The following PBX3 variants were observed in gnomAD, a reference collection of about 807,000 sequenced individuals.
The protein encoded by PBX3 is pre-B-cell leukemia transcription factor 3.
In PBX3, 14 loss-of-function variants were observed where a neutral mutation model predicts 48.5. The observed-to-expected ratio is 0.29, with a 90% CI of 0.19 to 0.45. The LOEUF (loss-of-function observed/expected upper bound fraction) is 0.45. PBX3 is among the 20% of genes least tolerant of loss of function. The probability of loss-of-function intolerance (pLI) is 1.00; values close to 1 mark genes in which losing one functional copy is unlikely to be tolerated. For synonymous variants in PBX3, 210 were observed against 200.3 expected (o/e 1.05, Z -0.41); for missense variants, 386 against 546.7 (o/e 0.71, Z 2.93).
chr9:125,961,384 C>A (rs1299080944), intron 6 of PBX3, among the ~76,000 whole-genome samples: 1 of 152,158 alleles, frequency 6.6e-6, no homozygotes, highest in African/African-American at 2.4e-5. Context: ...TACATGCATG[C>A]AAGATTCTTG....
chr9:125,803,997 G>A (rs184560564), intron 2 of PBX3, among the ~76,000 whole-genome samples: 18 of 152,270 alleles, frequency 1.2e-4, no homozygotes, highest in Non-Finnish European at 2.2e-4. Context: ...TTCTGACTTT[G>A]GGGTCTTTAT....
At position 125,962,099 on chromosome 9, in the gene PBX3, C is replaced by T. The variant is rs1564193225; in HGVS notation, c.1010-3C>T. The stretch of plus-strand genomic sequence containing the variant: ...TTCAGCTACTTAACTCTTTCCTTTC[C>T]AGGTTCTTCTGGTTCTTTTAACCTC... On this transcript the variant is annotated splice_region_variant and splice_polypyrimidine_tract_variant and intron_variant, in intron 6 of 8. Transcript: ENST00000373489. 1.3e-6 allele frequency: 2 copies of T among 1,508,558 alleles called. No homozygotes were observed. The highest frequency in any genetic ancestry group is 1.8e-6 in the Non-Finnish European group (2 of 1,084,218). The allele number at this position is 1,508,558 out of a possible 1,614,324, so 93.4% of individuals were successfully genotyped here.
intron 2 of PBX3, among the ~76,000 whole-genome samples, chr9:125,800,218 T>C (rs1290368050): frequency 6.6e-6 from 1 of 152,126 alleles, no homozygotes; most frequent in Non-Finnish European, 1.5e-5. Context: ...ACTGAAAAGA[T>C]AAGTAAGGGT....
intron 3 of PBX3, among the ~76,000 whole-genome samples, chr9:125,928,784 A>T (rs1841647141): frequency 6.6e-6 from 1 of 152,112 alleles, no homozygotes; most frequent in African/African-American, 2.4e-5. Context: ...TTAACTAAAA[A>T]GTTTGAGACC....
chr9:125,831,118 C>T (rs373005365), intron 2 of PBX3, among the ~76,000 whole-genome samples: 23 of 152,136 alleles, frequency 1.5e-4, no homozygotes, highest in African/African-American at 5.1e-4. Context: ...GCTGATATTT[C>T]CTTGTGGCAG....
intron 2 of PBX3, among the ~76,000 whole-genome samples, chr9:125,764,508 AT>A (rs1836753392): frequency 6.6e-6 from 1 of 152,170 alleles, no homozygotes; most frequent in Non-Finnish European, 1.5e-5. Flanking sequence ...GCTGGTTCAT[AT>A]TTTGCTAACG....
chr9:125,935,678 A>G, intron 5 of PBX3, 71 bp downstream of exon 5: 3 of 1,361,716 alleles, frequency 2.2e-6, no homozygotes, highest in African/African-American at 2.9e-5. Context: ...TCAGGGCATT[A>G]TTATCAAATT....
chr9:125,782,500 A>G (rs1837348849), intron 2 of PBX3, among the ~76,000 whole-genome samples: 1 of 152,198 alleles, frequency 6.6e-6, no homozygotes, highest in Non-Finnish European at 1.5e-5. Context: ...GTTACAAATT[A>G]CATTTTTATA....
At chr9:125,879,419 A>C (rs1214393769) in intron 2 of PBX3, among the ~76,000 whole-genome samples, 1 of 152,202 alleles carries the variant, frequency 6.6e-6, no homozygotes, top group Admixed American at 6.5e-5. Context: ...ATATGAACAC[A>C]TAAGTTTGCT....
At chr9:125,800,405 T>C (rs955199777) in intron 2 of PBX3, among the ~76,000 whole-genome samples, 2 of 152,238 alleles carry the variant, frequency 1.3e-5, no homozygotes, top group African/African-American at 4.8e-5. Context: ...CACTGTAATG[T>C]TGGTTCAGAA....
chr9:125,777,783 G>C (rs1837116900), intron 2 of PBX3, among the ~76,000 whole-genome samples: 1 of 152,004 alleles, frequency 6.6e-6, no homozygotes, highest in Admixed American at 6.6e-5. Context: ...TCAGATTTCT[G>C]TTTCTTCTGG....
intron 5 of PBX3, among the ~76,000 whole-genome samples, chr9:125,958,200 G>C (rs1274880361): frequency 2.9e-5 from 3 of 104,680 alleles, no homozygotes; most frequent in Non-Finnish European, 6.6e-5. Flanking sequence ...TCTCTGGCTT[G>C]TCCCTCTCCA....
At chr9:125,886,321 G>A (rs1840500679) in intron 2 of PBX3, among the ~76,000 whole-genome samples, 1 of 152,074 alleles carries the variant, frequency 6.6e-6, no homozygotes, top group Admixed American at 6.6e-5. Context: ...CTCTGATATG[G>A]GAGGGGGAAG....
At chr9:125,804,815 C>T (rs1046319686) in intron 2 of PBX3, among the ~76,000 whole-genome samples, 7 of 151,880 alleles carry the variant, frequency 4.6e-5, no homozygotes, top group African/African-American at 7.2e-5. Context: ...GGCGGGGTGG[C>T]GGGTACCTGT....
chr9:125,834,792 G>A (rs1180367172), intron 2 of PBX3, among the ~76,000 whole-genome samples: 2 of 150,188 alleles, frequency 1.3e-5, no homozygotes, highest in Non-Finnish European at 3.0e-5. Flanking sequence ...GAGGTGGGTG[G>A]ATCACCTGAG....
intron 2 of PBX3, among the ~76,000 whole-genome samples, chr9:125,777,750 C>G (rs1474922116): frequency 6.6e-6 from 1 of 152,102 alleles, no homozygotes; most frequent in Non-Finnish European, 1.5e-5. Flanking sequence ...TTACTTTACT[C>G]TCTTTCTTTG....
chr9:125,854,713 T>C (rs1839675472), intron 2 of PBX3, among the ~76,000 whole-genome samples: 2 of 152,250 alleles, frequency 1.3e-5, no homozygotes, highest in South Asian at 4.1e-4. Context: ...CATAGTCATA[T>C]TCATTTGTAC....
At chr9:125,809,085 A>G (rs189448746) in intron 2 of PBX3, among the ~76,000 whole-genome samples, 14 of 152,304 alleles carry the variant, frequency 9.2e-5, no homozygotes, top group Non-Finnish European at 1.5e-4. Flanking sequence ...CAAAATTACA[A>G]AAAACCTGGT....
At chr9:125,864,934 T>C (rs1436585494) in intron 2 of PBX3, among the ~76,000 whole-genome samples, 1 of 152,184 alleles carries the variant, frequency 6.6e-6, no homozygotes, top group Non-Finnish European at 1.5e-5. Context: ...AATGGGAAAA[T>C]TGAGTCTCAG....
Sources: gnomAD v4.1 joint callset for allele counts (sites outside exome capture counted in the v4.1 genomes callset) on GRCh38, gnomAD v4.1.1 for gene constraint, MANE v1.5 for transcripts, NCBI Gene and HGNC (gene_info 2026-07-23, HGNC 2026-07-21) for gene names.